The following COMMD10 variants were observed in gnomAD, a reference collection of about 807,000 sequenced individuals.
The protein encoded by COMMD10 is COMM domain containing 10, also known as COMM domain-containing protein 10.
COMMD10 carries 33 observed loss-of-function variants against 28.9 expected under a neutral mutation model. That is an observed-to-expected ratio of 1.14 (90% CI 0.87 to 1.53). The LOEUF is 1.53. COMMD10 is among the 40% of genes most tolerant of loss of function. COMMD10 has a pLI of 0.00. For missense variants in COMMD10, 310 were observed against 233.4 expected, an observed-to-expected ratio of 1.33 and a Z score of -2.14; for synonymous variants, 110 against 81.7, an observed-to-expected ratio of 1.35 and a Z score of -1.87.
chr5:116,209,986 G>A (rs1367945621), intron 5 of COMMD10, among the ~76,000 whole-genome samples: 1 of 152,154 alleles, frequency 6.6e-6, no homozygotes, highest in Non-Finnish European at 1.5e-5. Flanking sequence ...GCAGGATGCT[G>A]GCATCTGGTA....
intron 5 of COMMD10, among the ~76,000 whole-genome samples, chr5:116,192,567 A>C (rs1008229117): frequency 6.6e-6 from 1 of 152,202 alleles, no homozygotes; most frequent in African/African-American, 2.4e-5. Flanking sequence ...TATAAGAAAG[A>C]AATTCAGAGC....
chr5:116,231,964 T>C (rs1580567732), intron 5 of COMMD10, among the ~76,000 whole-genome samples: 2 of 152,276 alleles, frequency 1.3e-5, no homozygotes, highest in South Asian at 4.1e-4. Flanking sequence ...ATGATACTAC[T>C]TCTCACCCCC....
intron 4 of COMMD10, among the ~76,000 whole-genome samples, chr5:116,097,453 C>G (rs564973996): frequency 4.3e-4 from 66 of 152,214 alleles, no homozygotes; most frequent in African/African-American, 1.5e-3. Flanking sequence ...GATTGTACAG[C>G]TAAGTAAGTG....
intron 5 of COMMD10, among the ~76,000 whole-genome samples, chr5:116,192,672 A>G (rs981107739): frequency 2.0e-5 from 3 of 152,210 alleles, no homozygotes; most frequent in Non-Finnish European, 2.9e-5. Context: ...GGATTATGTT[A>G]AACAACAAAC....
intron 5 of COMMD10, among the ~76,000 whole-genome samples, chr5:116,202,926 AT>A (rs1392580245): frequency 6.6e-6 from 1 of 151,954 alleles, no homozygotes; most frequent in Non-Finnish European, 1.5e-5. Context: ...TTTTGTTGCC[AT>A]TGCTTTTGGT....
At chr5:116,184,239 G>C (rs1748068458) in intron 5 of COMMD10, among the ~76,000 whole-genome samples, 1 of 150,794 alleles carries the variant, frequency 6.6e-6, no homozygotes, top group African/African-American at 2.4e-5. Flanking sequence ...TTTAATCCAG[G>C]ATGTCAATCC....
chr5:116,093,798 A>G (rs753398214), intron 4 of COMMD10, among the ~76,000 whole-genome samples: 3 of 152,204 alleles, frequency 2.0e-5, no homozygotes, highest in Non-Finnish European at 4.4e-5. Context: ...ATAGTAACCA[A>G]AACAGCATGG....
In COMMD10 at chr5:116,224,938, A is replaced by G. The variant is rs1359405832; in HGVS notation, c.511-66579A>G. Among the ~76,000 whole-genome samples, 3 of 152,188 alleles carry G rather than the reference A, an allele frequency of 2.0e-5. No homozygotes were observed. The East Asian group carries it at 5.8e-4, about 29-fold the overall frequency. On this transcript the variant is annotated intron_variant, in intron 5 of 6. Transcript: ENST00000274458. Reference sequence around the variant, plus strand: ...CAATATTGTTTAAATCTTTTCTTTTACATTTAAATAAAAGATGGATAAGAA... The same window carrying G: ...CAATATTGTTTAAATCTTTTCTTTTGCATTTAAATAAAAGATGGATAAGAA...
intron 4 of COMMD10, among the ~76,000 whole-genome samples, chr5:116,127,528 A>C (rs542271965): frequency 4.5e-4 from 69 of 152,314 alleles, no homozygotes; most frequent in African/African-American, 1.6e-3. Flanking sequence ...AAGCAACCCA[A>C]ATTTCCGTCA....
At chr5:116,224,404 A>C (rs968957902) in intron 5 of COMMD10, among the ~76,000 whole-genome samples, 2 of 152,160 alleles carry the variant, frequency 1.3e-5, no homozygotes, top group Non-Finnish European at 2.9e-5. Context: ...GGTAATTTAC[A>C]AAGGAATGAT....
At position 116,177,395 on chromosome 5, in the gene COMMD10, T is replaced by G. The variant is rs145163632; in HGVS notation, c.510+43217T>G. On this transcript the variant is annotated intron_variant, in intron 5 of 6. Coordinates refer to ENST00000274458, the MANE Select transcript of COMMD10 (RefSeq NM_016144.4). ...TGCTTCAACTGAAGCTTTTATTATC[T>G]CCATCCTAAGGGACTGCATTATTCT... Among the ~76,000 whole-genome samples, 8 of 152,228 alleles carry G rather than the reference T, an allele frequency of 5.3e-5. No homozygotes were observed. In the East Asian group the frequency reaches 1.2e-3, roughly 22 times the overall value.
intron 1 of COMMD10, 32 bp from the exon 2 acceptor site, chr5:116,087,465 A>T: frequency 7.1e-7 from 1 of 1,404,422 alleles, no homozygotes; most frequent in Non-Finnish European, 1.0e-6. Context: ...TGGAAAACTC[A>T]TTTCAAAACT....
At chr5:116,161,713 A>T (rs1752924558) in intron 5 of COMMD10, among the ~76,000 whole-genome samples, 1 of 152,184 alleles carries the variant, frequency 6.6e-6, no homozygotes, top group Admixed American at 6.6e-5. Context: ...CTTCATAAAG[A>T]TCTTCATCCT....
At chr5:116,289,523 G>C (rs1240596347) in intron 5 of COMMD10, among the ~76,000 whole-genome samples, 1 of 151,678 alleles carries the variant, frequency 6.6e-6, no homozygotes, top group Non-Finnish European at 1.5e-5. Flanking sequence ...TCTGTTTTCA[G>C]TGCCTTCCAA....
intron 5 of COMMD10, among the ~76,000 whole-genome samples, chr5:116,192,196 C>G (rs1355209244): frequency 2.0e-5 from 3 of 152,006 alleles, no homozygotes; most frequent in Admixed American, 1.3e-4. Flanking sequence ...TCTGACAGAG[C>G]CTACCTAAAT....
intron 5 of COMMD10, among the ~76,000 whole-genome samples, chr5:116,208,598 C>T (rs1748878154): frequency 6.6e-6 from 1 of 152,082 alleles, no homozygotes; most frequent in Admixed American, 6.6e-5. Context: ...GACACTTGCA[C>T]CTTTAGTATT....
chr5:116,224,758 C>T (rs1229916999), intron 5 of COMMD10, among the ~76,000 whole-genome samples: 4 of 152,056 alleles, frequency 2.6e-5, no homozygotes, highest in Non-Finnish European at 4.4e-5. Flanking sequence ...ACATTCAAAC[C>T]GTATCACCCG....
chr5:116,094,084 A>C (rs1299893473), intron 4 of COMMD10, among the ~76,000 whole-genome samples: 1 of 152,194 alleles, frequency 6.6e-6, no homozygotes, highest in East Asian at 1.9e-4. Flanking sequence ...AGAAAACAGG[A>C]GAAATACTCC....
intron 4 of COMMD10, among the ~76,000 whole-genome samples, chr5:116,101,635 C>G (rs1443117959): frequency 1.3e-5 from 2 of 152,074 alleles, no homozygotes; most frequent in South Asian, 2.1e-4. Flanking sequence ...CCATGTTGGT[C>G]AGGCTGGTCT....
Sources: gnomAD v4.1 joint callset for allele counts (sites outside exome capture counted in the v4.1 genomes callset) on GRCh38, gnomAD v4.1.1 for gene constraint, MANE v1.5 for transcripts, NCBI Gene and HGNC (gene_info 2026-07-23, HGNC 2026-07-21) for gene names.